ORC3: variants seen among roughly 807,000 people sequenced by gnomAD.
ORC3 encodes the protein homolog of latheo, Drosophila.
In ORC3, 78 loss-of-function variants were observed where a neutral mutation model predicts 100.7. That is an observed-to-expected ratio of 0.77 (90% confidence interval 0.65 to 0.94). The LOEUF is 0.94. ORC3 is among the 40% of genes least tolerant of loss of function. The pLI is 0.00. For synonymous variants in ORC3, 295 were observed against 289.3 expected, an observed-to-expected ratio of 1.02 and a Z score of -0.20; for missense variants, 789 against 823.9, an observed-to-expected ratio of 0.96 and a Z score of 0.52.
chr6:87,656,732 A>G (rs1769732875), intron 14 of ORC3, among the ~76,000 whole-genome samples, 174 bp from the exon 15 acceptor site: 1 of 152,158 alleles, frequency 6.6e-6, no homozygotes, highest in African/African-American at 2.4e-5. Context: ...CACAAGTTAT[A>G]TATTATTGGC....
intron 11 of ORC3, among the ~76,000 whole-genome samples, chr6:87,625,453 T>C (rs1231006576): frequency 6.6e-6 from 1 of 152,272 alleles, no homozygotes; most frequent in African/African-American, 2.4e-5. Context: ...CCAGTGATGA[T>C]GAGCATTTTT....
chr6:87,628,612 C>T (rs972368443), intron 11 of ORC3, among the ~76,000 whole-genome samples: 7 of 152,164 alleles, frequency 4.6e-5, no homozygotes, highest in East Asian at 1.9e-4. Context: ...TTAGCACCCT[C>T]ATTTCAAAAA....
chr6:87,644,238 G>T (rs1004642423), intron 13 of ORC3, among the ~76,000 whole-genome samples: 1 of 148,178 alleles, frequency 6.7e-6, no homozygotes, highest in Non-Finnish European at 1.5e-5. Context: ...GACTACAGGC[G>T]CCCGCCACTA....
At chr6:87,593,315 A>C (rs1296056877) in intron 1 of ORC3, among the ~76,000 whole-genome samples, 1 of 152,218 alleles carries the variant, frequency 6.6e-6, no homozygotes, top group Admixed American at 6.5e-5. Flanking sequence ...CACTATTCCA[A>C]ACATTGGAGA....
intron 16 of ORC3, among the ~76,000 whole-genome samples, chr6:87,661,212 G>A (rs918782755): frequency 6.6e-6 from 1 of 152,210 alleles, no homozygotes; most frequent in Non-Finnish European, 1.5e-5. Context: ...TGAGGTTAGT[G>A]TAGGAAGAGT....
chr6:87,674,624 T>TTATA, the ORC3 span, among the ~76,000 whole-genome samples: 6 of 143,530 alleles, frequency 4.2e-5, no homozygotes, highest in East Asian at 2.0e-4. Context: ...AAGAAGGAAT[T>TTATA]TATATATATA....
At chr6:87,637,082 G>A (rs1240094877) in intron 13 of ORC3, among the ~76,000 whole-genome samples, 2 of 151,870 alleles carry the variant, frequency 1.3e-5, no homozygotes, top group Non-Finnish European at 2.9e-5. Flanking sequence ...TTACTTTTTA[G>A]TCTTCCATAA....
chr6:87,659,159 G>T, intron 16 of ORC3, among the ~76,000 whole-genome samples: 1 of 150,728 alleles, frequency 6.6e-6, no homozygotes, highest in African/African-American at 2.5e-5. Flanking sequence ...CGCCTCCCGG[G>T]TTCAAGGGAT....
chr6:87,650,006 G>C (rs577029773), intron 13 of ORC3, among the ~76,000 whole-genome samples: 1 of 150,032 alleles, frequency 6.7e-6, no homozygotes, highest in East Asian at 1.9e-4. Context: ...ACATTATATG[G>C]ATATGTATAT....
chr6:87,669,323 G>A (rs1017416704), downstream of ORC3, among the ~76,000 whole-genome samples: 5 of 152,238 alleles, frequency 3.3e-5, no homozygotes, highest in Admixed American at 6.5e-5. Flanking sequence ...AATGACCAGC[G>A]TAGGTAGTTA....
Position 87,607,671 on chromosome 6 carries a change from A to G in ORC3, c.428-2A>G, listed in dbSNP as rs1335043581. On this transcript the variant is annotated splice_acceptor_variant, in intron 5 of 19. Coordinates refer to ENST00000392844, the MANE Select transcript of ORC3 (RefSeq NM_012381.4). LOFTEE classifies it high-confidence loss of function. ...AGCTTTCTTACTTTTTATATTCCACAGATATGAAACATTTTTTGCAAAAGT... is the reference window on the plus strand; with the variant it reads ...AGCTTTCTTACTTTTTATATTCCACGGATATGAAACATTTTTTGCAAAAGT... The G allele has an allele frequency of 1.3e-6, 2 of 1,592,810 alleles. No individual in the cohort carries two copies. Among genetic ancestry groups the G allele is most frequent in the South Asian group, 1.1e-5 (1 of 86,992 alleles).
intron 11 of ORC3, among the ~76,000 whole-genome samples, chr6:87,633,118 A>G (rs1028773385): frequency 1.3e-5 from 2 of 152,338 alleles, no homozygotes; most frequent in Admixed American, 6.5e-5. Context: ...CATCACCCAG[A>G]TACTTGTACA....
chr6:87,644,069 G>T (rs1310231348), intron 13 of ORC3, among the ~76,000 whole-genome samples: 1 of 140,868 alleles, frequency 7.1e-6, no homozygotes, highest in Non-Finnish European at 1.5e-5. Context: ...GATACAGATG[G>T]CTGACTGTCC....
chr6:87,668,128 T>C (rs1765950639), downstream of ORC3, among the ~76,000 whole-genome samples: 1 of 152,118 alleles, frequency 6.6e-6, no homozygotes, highest in African/African-American at 2.4e-5. Context: ...GAAACAAAGA[T>C]AGCTAAAGTT....
At position 87,595,773 on chromosome 6, in the gene ORC3, G is replaced by A. The variant is rs527981547; in HGVS notation, c.79+1366G>A. Among the ~76,000 whole-genome samples the A allele has an allele frequency of 4.6e-5, 7 of 152,132 alleles. No individual in the cohort carries two copies. The South Asian group carries it at 1.0e-3, about 23-fold the overall frequency. On this transcript the variant is annotated intron_variant, in intron 2 of 19. Coordinates refer to ENST00000392844, the MANE Select transcript of ORC3 (RefSeq NM_012381.4). ...ATTTTTATCACTCACTCAGACATAC[G>A]CATACTCACACACTCATATACCCAT...
At chr6:87,669,817 A>G (rs1770793495), downstream of ORC3, among the ~76,000 whole-genome samples, 1 of 152,252 alleles carries the variant, frequency 6.6e-6, no homozygotes, top group East Asian at 1.9e-4. Context: ...AAGGTAAGGA[A>G]GTTGGCAACA....
intron 7 of ORC3, 65 bp downstream of exon 7, chr6:87,609,294 TG>T: frequency 8.8e-6 from 10 of 1,130,338 alleles, no homozygotes; most frequent in Non-Finnish European, 1.2e-5. Context: ...ACTTTTAACT[TG>T]AAAAGTATAA....
chr6:87,598,907 G>A (rs746520748), intron 2 of ORC3, among the ~76,000 whole-genome samples: 1 of 152,150 alleles, frequency 6.6e-6, no homozygotes, highest in Admixed American at 6.6e-5. Flanking sequence ...ATTAAGACTG[G>A]TAACTCTCCC....
chr6:87,668,194 A>G (rs1315227146), downstream of ORC3, among the ~76,000 whole-genome samples: 1 of 152,186 alleles, frequency 6.6e-6, no homozygotes, highest in Admixed American at 6.5e-5. Flanking sequence ...CTACTCACTA[A>G]CATACAAAAT....
Sources: gnomAD v4.1 joint callset for allele counts (sites outside exome capture counted in the v4.1 genomes callset) on GRCh38, gnomAD v4.1.1 for gene constraint, MANE v1.5 for transcripts, NCBI Gene and HGNC (gene_info 2026-07-23, HGNC 2026-07-21) for gene names.